RBFOX1: variants seen among roughly 807,000 people sequenced by gnomAD.
The protein encoded by RBFOX1 is RNA binding fox-1 homolog 1.
Under a neutral mutation model 57.7 loss-of-function variants are expected in RBFOX1, and 8 were observed. The ratio of observed to expected loss-of-function variants is 0.14; its 90% CI spans 0.08 to 0.25. The LOEUF (loss-of-function observed/expected upper bound fraction) is 0.25. Ranked by LOEUF, RBFOX1 falls within the 10% of genes least tolerant of loss-of-function variation. The pLI, the probability that RBFOX1 is intolerant of heterozygous loss-of-function variation, is 1.00. For synonymous variants in RBFOX1, 326 were observed against 222.4 expected (o/e 1.47, Z -4.15); for missense variants, 611 against 548.5 (o/e 1.11, Z -1.14).
chr16:7,178,426 G>C (rs2082083987), intron 4 of RBFOX1, among the ~76,000 whole-genome samples: 1 of 152,206 alleles, frequency 6.6e-6, no homozygotes, highest in Non-Finnish European at 1.5e-5. Flanking sequence ...CGCAGGAGGA[G>C]AGAGAAATTG....
intron 2 of RBFOX1, among the ~76,000 whole-genome samples, chr16:6,351,207 G>A (rs1029492321): frequency 2.4e-4 from 36 of 151,226 alleles, no homozygotes; most frequent in South Asian, 1.5e-3. Flanking sequence ...TCATGTGTGC[G>A]GATAGTAAAT....
chr16:6,626,669 A>C (rs1271696322), intron 2 of RBFOX1, among the ~76,000 whole-genome samples: 1 of 152,140 alleles, frequency 6.6e-6, no homozygotes, highest in Non-Finnish European at 1.5e-5. Context: ...CTGAGGCAGG[A>C]GAATTGCTTG....
chr16:5,583,588 C>G (rs1290596811), intron 2 of RBFOX1, among the ~76,000 whole-genome samples: 1 of 152,188 alleles, frequency 6.6e-6, no homozygotes, highest in Admixed American at 6.5e-5. Flanking sequence ...CGAATTGTTT[C>G]TTTTCTTTGC....
intron 14 of RBFOX1, among the ~76,000 whole-genome samples, chr16:7,697,121 C>T (rs1372017713): frequency 6.6e-6 from 1 of 152,086 alleles, no homozygotes; most frequent in South Asian, 2.1e-4. Context: ...TTTGTGGAGA[C>T]CAAACTGCCA....
chr16:5,247,832 G>A (rs1308076563), intron 1 of RBFOX1, among the ~76,000 whole-genome samples: 1 of 152,184 alleles, frequency 6.6e-6, no homozygotes, highest in Non-Finnish European at 1.5e-5. Context: ...GCGGCCATGA[G>A]TCCAGCCACC....
intron 2 of RBFOX1, among the ~76,000 whole-genome samples, chr16:6,646,762 A>T (rs2098537964): frequency 6.6e-6 from 1 of 152,044 alleles, no homozygotes; most frequent in Non-Finnish European, 1.5e-5. Context: ...TATTGAGTTA[A>T]TCTCCCGTTT....
chr16:6,129,213 A>G (rs1159164731), intron 1 of RBFOX1, among the ~76,000 whole-genome samples: 16 of 152,234 alleles, frequency 1.1e-4, no homozygotes, highest in Non-Finnish European at 1.8e-4. Flanking sequence ...CATGGATATT[A>G]GAATAATCAG....
At chr16:7,337,314 G>A (rs754565187) in intron 4 of RBFOX1, among the ~76,000 whole-genome samples, 2 of 152,132 alleles carry the variant, frequency 1.3e-5, no homozygotes, top group Admixed American at 6.6e-5. Flanking sequence ...TCTTAGAGTC[G>A]GGAAGAGGGT....
At chr16:6,396,345 C>T (rs1041923244) in intron 2 of RBFOX1, among the ~76,000 whole-genome samples, 11 of 151,952 alleles carry the variant, frequency 7.2e-5, no homozygotes, top group Admixed American at 2.6e-4. Flanking sequence ...GCAAGGAAGA[C>T]GAGACTCAGG....
chr16:6,405,440 G>C (rs2093243353), intron 2 of RBFOX1, among the ~76,000 whole-genome samples: 1 of 152,112 alleles, frequency 6.6e-6, no homozygotes, highest in Non-Finnish European at 1.5e-5. Flanking sequence ...GGCTATGGAG[G>C]CTTCACCATC....
chr16:6,582,890 C>G (rs1428694053), intron 2 of RBFOX1, among the ~76,000 whole-genome samples: 1 of 149,996 alleles, frequency 6.7e-6, no homozygotes, highest in East Asian at 2.0e-4. Context: ...GTTTTCTAAG[C>G]TACAGTTCAA....
At chr16:6,353,314 T>A (rs532172829) in intron 2 of RBFOX1, among the ~76,000 whole-genome samples, 1 of 152,168 alleles carries the variant, frequency 6.6e-6, no homozygotes, top group South Asian at 2.1e-4. Flanking sequence ...TTTAGCTCTA[T>A]GAGAGATTTC....
intron 2 of RBFOX1, among the ~76,000 whole-genome samples, chr16:5,509,465 C>G (rs556360027): frequency 6.3e-4 from 96 of 152,314 alleles, no homozygotes; most frequent in Non-Finnish European, 9.1e-4. Context: ...TCTCCAATGA[C>G]AAGCACTGTG....
chr16:6,784,896 T>C (rs1236275433), intron 3 of RBFOX1, among the ~76,000 whole-genome samples: 3 of 152,138 alleles, frequency 2.0e-5, no homozygotes, highest in South Asian at 2.1e-4. Flanking sequence ...GCTGGAGTTA[T>C]TGTCACCAAG....
At chr16:6,203,981 T>TC (rs386384124) in intron 1 of RBFOX1, among the ~76,000 whole-genome samples, 5 of 60,634 alleles carry the variant, frequency 8.2e-5, no homozygotes, top group African/African-American at 3.0e-4. Flanking sequence ...GTTTTGTTTC[T>TC]TTTTTTTTTT....
intron 10 of RBFOX1, among the ~76,000 whole-genome samples, chr16:7,624,961 G>C (rs1236202154): frequency 6.6e-6 from 1 of 152,172 alleles, no homozygotes; most frequent in East Asian, 1.9e-4. Flanking sequence ...AGAAAGAAAA[G>C]AACAGCTTCC....
chr16:6,897,476 A>G (rs925332591), intron 3 of RBFOX1, among the ~76,000 whole-genome samples: 12 of 152,154 alleles, frequency 7.9e-5, no homozygotes, highest in Non-Finnish European at 1.2e-4. Context: ...GTGGCTTCCC[A>G]CTGTATTTAA....
chr16:7,579,795 C>A lies in RBFOX1; in HGVS notation c.289C>A (p.Pro97Thr). Residue 97 changes from proline (P) to threonine (T), a missense_variant, in exon 6 of 16, where the codon CCG (proline) becomes ACG (threonine). Pro to Thr is a conservative substitution (Grantham distance 38). Transcript: ENST00000550418. Reference protein sequence around the residue: ...GTATQTDDAAPTDGQPQTQPS... With the variant: ...GTATQTDDAATTDGQPQTQPS... Reference sequence around the variant, plus strand: ...CTTTTAGCAGACAGATGACGCAGCACCGACGGATGGCCAGCCCCAGACACA... The same window carrying A: ...CTTTTAGCAGACAGATGACGCAGCAACGACGGATGGCCAGCCCCAGACACA... The A allele has an allele frequency of 6.2e-7, 1 of 1,614,106 alleles. No homozygotes were observed. Among genetic ancestry groups the A allele is most frequent in the South Asian group, 1.1e-5 (1 of 91,074 alleles).
chr16:6,344,564 A>AT (rs1233315080), intron 2 of RBFOX1, among the ~76,000 whole-genome samples: 1 of 149,784 alleles, frequency 6.7e-6, no homozygotes, highest in African/African-American at 2.5e-5. Flanking sequence ...CGCCCGGCTA[A>AT]TTTTTTGTAT....
Sources: gnomAD v4.1 joint callset for allele counts (sites outside exome capture counted in the v4.1 genomes callset) on GRCh38, gnomAD v4.1.1 for gene constraint, MANE v1.5 for transcripts, NCBI Gene and HGNC (gene_info 2026-07-23, HGNC 2026-07-21) for gene names.